The following UTP6 variants were observed in gnomAD, a reference collection of about 807,000 sequenced individuals.
UTP6 encodes U3 small nucleolar RNA-associated protein 6 homolog.
In UTP6, 60 loss-of-function variants were observed where a neutral mutation model predicts 96.5. That is an observed-to-expected ratio of 0.62 (90% CI 0.51 to 0.77). The LOEUF is 0.77. Among genes scored for constraint, UTP6 ranks in the 30% least tolerant of loss-of-function variants. The probability of loss-of-function intolerance (pLI) is 0.00; values close to 1 mark genes in which losing one functional copy is unlikely to be tolerated. For missense variants in UTP6, 637 were observed against 706.5 expected (o/e 0.90, Z 1.12); for synonymous variants, 215 against 240.1 (o/e 0.90, Z 0.96).
At chr17:31,886,143 T>A in intron 8 of UTP6, 82 bp from the exon 9 acceptor site, 1 of 1,165,698 alleles carries the variant, frequency 8.6e-7, no homozygotes, top group Non-Finnish European at 1.2e-6. Context: ...AATCCTAGAC[T>A]ACCTGTGCCA....
At chr17:31,894,535 G>C (rs1904521892) in intron 4 of UTP6, 110 bp downstream of exon 4, 1 of 748,140 alleles carries the variant, frequency 1.3e-6, no homozygotes, top group African/African-American at 1.8e-5. Context: ...ATTAGAGTAA[G>C]TATAAAGATA....
In UTP6 at chr17:31,860,961, A is replaced by G. The variant is rs187234729; in HGVS notation, c.*2398T>C. On this transcript the variant is annotated 3_prime_UTR_variant, in exon 19 of 19. Transcript: ENST00000261708. ...ACATCACAAATCAGCAGAGAGAAAC[A>G]TAACTGCCCAAATAGTGTTGGCAAA... is the stretch of plus-strand genomic sequence containing the variant. 3.0e-4 allele frequency: 46 copies of G among 152,342 alleles called. No individual in the cohort carries two copies. Among genetic ancestry groups the G allele is most frequent in the Admixed American group, 2.9e-3 (44 of 15,290 alleles). The allele number at this position is 152,342 out of a possible 1,614,324, so 9.4% of individuals were successfully genotyped here. A position where few individuals can be genotyped will look rare whatever the true frequency, so the allele number is the denominator to read the frequency against.
At position 31,883,316 on chromosome 17, in the gene UTP6, ATTT is replaced by A. The variant is rs764591553; in HGVS notation, c.785+1105_785+1107del. ...ATTTAGAATTTTATATAAGCTTTAG[ATTT>A]TTTTTTTTTTTTTGAGATGGAATTT... On this transcript the variant is annotated intron_variant, in intron 10 of 18. Transcript: ENST00000261708. Among the ~76,000 whole-genome samples, 537 of 142,272 alleles carry A rather than the reference ATTT, an allele frequency of 3.8e-3. 7 individuals carry two copies. Among genetic ancestry groups the A allele is most frequent in the African/African-American group, 0.013 (514 of 38,592 alleles). The allele number at this position is 142,272 out of a possible 152,430, so 93.3% of individuals were successfully genotyped here. A position where few individuals can be genotyped will look rare whatever the true frequency, so the allele number is the denominator to read the frequency against.
intron 13 of UTP6, among the ~76,000 whole-genome samples, chr17:31,876,562 T>C (rs938348133): frequency 9.2e-5 from 14 of 151,742 alleles, no homozygotes; most frequent in African/African-American, 3.4e-4. Flanking sequence ...GAGAATTGCT[T>C]GAACCCAGGA....
At chr17:31,888,843 G>A (rs939371722) in intron 7 of UTP6, among the ~76,000 whole-genome samples, 1 of 152,146 alleles carries the variant, frequency 6.6e-6, no homozygotes, top group South Asian at 2.1e-4. Flanking sequence ...AGGTGGAGGC[G>A]GGCGGATGAC....
At chr17:31,873,609 C>T (rs1170233617) in intron 15 of UTP6, 64 bp downstream of exon 15, 3 of 1,611,684 alleles carry the variant, frequency 1.9e-6, no homozygotes, top group Non-Finnish European at 2.5e-6. Flanking sequence ...AACACTAGAG[C>T]TGACCAACCA....
At chr17:31,900,679 TCTC>T (rs1351929028) in intron 1 of UTP6, among the ~76,000 whole-genome samples, 3 of 152,206 alleles carry the variant, frequency 2.0e-5, no homozygotes, top group African/African-American at 7.2e-5. Flanking sequence ...ATTTCTGAGT[TCTC>T]AACATGTAAA....
At position 31,870,589 on chromosome 17, in the gene UTP6, T is replaced by G. The variant is rs565570887; in HGVS notation, c.1497-2477A>C. Among the ~76,000 whole-genome samples the G allele has an allele frequency of 1.3e-4, 19 of 149,590 alleles. No individual in the cohort carries two copies. The South Asian group carries it at 3.5e-3, about 28-fold the overall frequency. ...CAGGCTGGAGTGCAGTGGCGCAATCTCAGCTCACTGCAAGCTCCGCCTCCC... is the reference window on the plus strand; with the variant it reads ...CAGGCTGGAGTGCAGTGGCGCAATCGCAGCTCACTGCAAGCTCCGCCTCCC... On this transcript the variant is annotated intron_variant, in intron 16 of 18. Coordinates refer to ENST00000261708, the MANE Select transcript of UTP6 (RefSeq NM_018428.3).
intron 11 of UTP6, 159 bp downstream of exon 11, chr17:31,880,414 C>T (rs562948141): frequency 3.5e-6 from 3 of 846,182 alleles, no homozygotes; most frequent in East Asian, 2.8e-5. Context: ...GAACAAGACT[C>T]TGCCTCCCAA....
rs1911207450 is a variant in UTP6 at position 31,887,299 on chromosome 17, C to T, written c.558G>A (p.Glu186=). 1 of 1,613,914 alleles carries T rather than the reference C, an allele frequency of 6.2e-7. No homozygotes were observed. The highest frequency in any genetic ancestry group is 8.5e-7 in the Non-Finnish European group (1 of 1,179,970). The change falls in exon 8 of 19, where the codon GAG becomes GAA. Residue 186 remains glutamate (E), a synonymous_variant. Coordinates refer to ENST00000261708, the MANE Select transcript of UTP6 (RefSeq NM_018428.3). Reference sequence around the variant, plus strand: ...TCCTCAGTTTTTCAGCATGCATCAGCTCCATCCTAAAGTACTACAGAAGAG... The same window carrying T: ...TCCTCAGTTTTTCAGCATGCATCAGTTCCATCCTAAAGTACTACAGAAGAG... ...PKLYKEYFRM[E]LMHAEKLRKE...
In UTP6 at chr17:31,889,384, G is replaced by C; in HGVS notation, c.444C>G (p.Ala148=). 1.2e-6 allele frequency: 2 copies of C among 1,613,290 alleles called. No homozygotes were observed. The highest frequency in any genetic ancestry group is 1.7e-6 in the Non-Finnish European group (2 of 1,179,662). ...ACAATCGATCTTCCATTTCCCATTT[G>C]GCTGCCATAATCCACAAAGCTGTAA... ...SNKPALWIMA[A]KWEMEDRLSS... is the part of the protein sequence containing the mutation. The change falls in exon 7 of 19, where the codon GCC becomes GCG. Residue 148 remains alanine (A), a synonymous_variant. Transcript: ENST00000261708.
intron 18 of UTP6, 122 bp from the exon 19 acceptor site, chr17:31,863,638 G>A (rs971195883): frequency 2.4e-5 from 21 of 892,416 alleles, no homozygotes; most frequent in Non-Finnish European, 3.2e-5. Context: ...TCCCTAGGAC[G>A]CTTTGTTTAA....
chr17:31,876,894 C>T (rs1317078664), intron 13 of UTP6, among the ~76,000 whole-genome samples: 5 of 150,684 alleles, frequency 3.3e-5, no homozygotes, highest in Non-Finnish European at 7.4e-5. Context: ...CGCCTGTAAT[C>T]CCAGCTACTC....
intron 18 of UTP6, among the ~76,000 whole-genome samples, chr17:31,864,200 C>T (rs763607511): frequency 6.6e-6 from 1 of 152,096 alleles, no homozygotes; most frequent in Non-Finnish European, 1.5e-5. Context: ...GCCTAGCCAG[C>T]ATGGCGAAAC....
chr17:31,894,534 A>C (rs1904521746), intron 4 of UTP6, 111 bp downstream of exon 4: 1 of 725,834 alleles, frequency 1.4e-6, no homozygotes, highest in African/African-American at 1.8e-5. Context: ...CATTAGAGTA[A>C]GTATAAAGAT....
chr17:31,891,342 AACAGTC>A (rs1911477898), intron 6 of UTP6, among the ~76,000 whole-genome samples: 1 of 152,192 alleles, frequency 6.6e-6, no homozygotes, highest in African/African-American at 2.4e-5. Context: ...CTCATACCTG[AACAGTC>A]ACCTTAGGAA....
intron 14 of UTP6, among the ~76,000 whole-genome samples, chr17:31,874,733 A>T (rs548245735): frequency 3.9e-5 from 6 of 152,050 alleles, no homozygotes; most frequent in Admixed American, 6.6e-5. Flanking sequence ...GGAGTTCCAG[A>T]CCAGCCTGGC....
At chr17:31,889,713 T>C (rs764931809) in intron 6 of UTP6, among the ~76,000 whole-genome samples, 9 of 151,940 alleles carry the variant, frequency 5.9e-5, no homozygotes, top group Admixed American at 2.6e-4. Context: ...TTAGCCAGGA[T>C]GGTCTCAATC....
chr17:31,891,641 T>C lies in UTP6; in HGVS notation c.424+619A>G, dbSNP rs73988487. On this transcript the variant is annotated intron_variant, in intron 6 of 18. Transcript: ENST00000261708. ...AAATTTATATTGATATTTTCCCCTT[T>C]AAGCTTCTAAAATTCCTCAGATTTG... Among the ~76,000 whole-genome samples the C allele has an allele frequency of 6.0e-3, 912 of 152,336 alleles. 7 individuals are homozygous for C. The highest frequency in any genetic ancestry group is 0.021 in the African/African-American group (853 of 41,576).
Sources: allele counts gnomAD v4.1 joint callset (sites outside exome capture counted in the v4.1 genomes callset), GRCh38; gene constraint gnomAD v4.1.1; transcripts MANE v1.5; gene names NCBI Gene and HGNC (gene_info 2026-07-23, HGNC 2026-07-21).